PHIP: variants seen among roughly 807,000 people sequenced by gnomAD.
The protein encoded by PHIP is PHIP subunit of CUL4-Ring ligase complex, also known as PH-interacting protein.
PHIP carries 54 observed loss-of-function variants against 236.8 expected under a neutral mutation model. The ratio of observed to expected loss-of-function variants is 0.23; its 90% CI spans 0.18 to 0.29. The LOEUF (loss-of-function observed/expected upper bound fraction) is 0.29. Among genes scored for constraint, PHIP ranks in the 10% least tolerant of loss-of-function variants. The pLI is 1.00. For missense variants in PHIP, 1,370 were observed against 2,190.8 expected (o/e 0.63, Z 7.48); for synonymous variants, 756 against 718.9 (o/e 1.05, Z -0.83).
chr6:78,952,429 A>AAAAAAAAAAAAG (rs1261526545), intron 35 of PHIP, among the ~76,000 whole-genome samples: 2 of 132,788 alleles, frequency 1.5e-5, no homozygotes, highest in Non-Finnish European at 3.3e-5. Flanking sequence ...AAAAAAAAAG[A>AAAAAAAAAAAAG]AAAAAAAAAA....
intron 7 of PHIP, among the ~76,000 whole-genome samples, chr6:79,036,574 CAT>C (rs1470966144): frequency 1.3e-5 from 2 of 152,128 alleles, no homozygotes; most frequent in Non-Finnish European, 2.9e-5. Flanking sequence ...CCTCTCTCTC[CAT>C]ATAACATACA....
chr6:79,019,184 A>C, intron 9 of PHIP, 25 bp from the exon 10 acceptor site: 1 of 1,540,824 alleles, frequency 6.5e-7, no homozygotes, highest in Non-Finnish European at 9.0e-7. Context: ...ATAAAGAATT[A>C]AAAATATCCT....
At chr6:78,954,102 T>C (rs918262154) in intron 35 of PHIP, among the ~76,000 whole-genome samples, 1 of 152,136 alleles carries the variant, frequency 6.6e-6, no homozygotes, top group Admixed American at 6.5e-5. Context: ...TTTAAAACTA[T>C]TTTTTGTTTG....
chr6:79,015,594 C>T (rs769541723), intron 14 of PHIP, 36 bp downstream of exon 14: 12 of 1,446,316 alleles, frequency 8.3e-6, no homozygotes, highest in Non-Finnish European at 9.5e-6. Flanking sequence ...TAGTCAGCTT[C>T]AGTTATATCA....
At chr6:79,025,488 A>G in intron 9 of PHIP, 31 bp downstream of exon 9, 2 of 1,306,534 alleles carry the variant, frequency 1.5e-6, no homozygotes, top group Middle Eastern at 1.8e-4. Flanking sequence ...AACTAAACAC[A>G]TTTAATCTAT....
intron 6 of PHIP, 83 bp from the exon 7 acceptor site, chr6:79,043,086 A>C: frequency 1.8e-6 from 2 of 1,081,208 alleles, no homozygotes. Flanking sequence ...CACATACTCC[A>C]ATTTGTCATG....
intron 17 of PHIP, among the ~76,000 whole-genome samples, chr6:78,999,198 T>C (rs1439213120): frequency 6.6e-6 from 1 of 152,178 alleles, no homozygotes; most frequent in Non-Finnish European, 1.5e-5. Context: ...CAGCATTAAT[T>C]CTTACTTGTC....
chr6:78,983,025 G>C lies in PHIP; in HGVS notation c.2630C>G (p.Ala877Gly). 1 of 1,611,130 alleles carries C rather than the reference G, an allele frequency of 6.2e-7. No homozygotes were observed. Among genetic ancestry groups the C allele is most frequent in the Non-Finnish European group, 8.5e-7 (1 of 1,178,588 alleles). ...TTCTTCTTCATCTGAACTGCTTTCT[G>C]CTTTCTTGGTTTTATTCTTAGGAAC... ...KKVPKNKTKKAESSSDEEEES... is the reference protein window; with the variant it reads ...KKVPKNKTKKGESSSDEEEES... The change falls in exon 23 of 40, where the codon GCA becomes GGA. Residue 877 changes from alanine to glycine, a missense_variant. Ala to Gly is a moderately conservative substitution (Grantham distance 60). Coordinates refer to ENST00000275034, the MANE Select transcript of PHIP (RefSeq NM_017934.7).
In PHIP at chr6:78,941,318, T is replaced by A. The variant is rs776794849; in HGVS notation, c.4841A>T (p.Asn1614Ile). 6.2e-7 allele frequency: 1 copy of A among 1,612,804 alleles called. No homozygotes were observed. Among genetic ancestry groups the A allele is most frequent in the Admixed American group, 1.7e-5 (1 of 59,836 alleles). ...AATGGTTCCTGGTACAAGAGCGTTGTTCTTACAATCTCCTAAAAGGGAACA... is the reference window on the plus strand; with the variant it reads ...AATGGTTCCTGGTACAAGAGCGTTGATCTTACAATCTCCTAAAAGGGAACA... ...SAVIEQGDCKNNALVPGTIQV... is the reference protein window; with the variant it reads ...SAVIEQGDCKINALVPGTIQV... Residue 1614 changes from asparagine to isoleucine, a missense_variant, in exon 40 of 40, where the codon AAC (asparagine) becomes ATC (isoleucine). Asn to Ile is a moderately radical substitution (Grantham distance 149). Coordinates refer to ENST00000275034, the MANE Select transcript of PHIP (RefSeq NM_017934.7).
chr6:79,058,441 GT>G (rs1562215710), intron 6 of PHIP, among the ~76,000 whole-genome samples: 1 of 151,922 alleles, frequency 6.6e-6, no homozygotes, highest in East Asian at 1.9e-4. Context: ...TAAATATTTG[GT>G]TCCCTTTTAC....
chr6:78,989,898 A>C (rs1034721174), intron 20 of PHIP, among the ~76,000 whole-genome samples: 1 of 152,214 alleles, frequency 6.6e-6, no homozygotes, highest in Non-Finnish European at 1.5e-5. Flanking sequence ...AGATTATTTC[A>C]GAAAGAAATT....
chr6:78,954,712 G>T (rs1766297472), intron 35 of PHIP, 102 bp downstream of exon 35: 1 of 731,030 alleles, frequency 1.4e-6, no homozygotes, highest in Non-Finnish European at 2.2e-6. Context: ...AAATAATAAA[G>T]AAATAAACTA....
chr6:78,945,359 T>C lies in PHIP; in HGVS notation c.4769A>G (p.Lys1590Arg), dbSNP rs1773749162. 1 of 1,613,842 alleles carries C rather than the reference T, an allele frequency of 6.2e-7. No individual in the cohort carries two copies. Among genetic ancestry groups the C allele is most frequent in the Non-Finnish European group, 8.5e-7 (1 of 1,179,750 alleles). The change falls in exon 39 of 40, where the codon AAG becomes AGG. Residue 1590 changes from lysine to arginine, a missense_variant. By Grantham distance (26) the Lys-to-Arg change is conservative. Coordinates refer to ENST00000275034, the MANE Select transcript of PHIP (RefSeq NM_017934.7). Reference sequence around the variant, plus strand: ...GGACGCCTTTGGGAGTACAGATGACTTCATTTTACGTTTGACTGGCTTTTC... The same window carrying C: ...GGACGCCTTTGGGAGTACAGATGACCTCATTTTACGTTTGACTGGCTTTTC... ...EKEKPVKRKM[K>R]SSVLPKASTL...
At position 78,992,631 on chromosome 6, in the gene PHIP, T is replaced by C. The variant is rs145336502; in HGVS notation, c.2202-1646A>G. ...TTTTTCACTACCATTATATCTATTA[T>C]GGAGATCTGTTGTCAGTAATTTTTT... On this transcript the variant is annotated intron_variant, in intron 19 of 39. Transcript: ENST00000275034. 6.4e-4 allele frequency among the ~76,000 whole-genome samples: 97 copies of C among 152,316 alleles called. 1 individual carries two copies. In the South Asian group the frequency reaches 8.1e-3, roughly 13 times the overall value.
At chr6:79,021,079 T>C (rs949810641) in intron 9 of PHIP, among the ~76,000 whole-genome samples, 1 of 152,234 alleles carries the variant, frequency 6.6e-6, no homozygotes, top group Non-Finnish European at 1.5e-5. Flanking sequence ...ATGTTACTTA[T>C]TTTTAGACAC....
chr6:78,978,763 C>T, intron 23 of PHIP, 52 bp from the exon 24 acceptor site: 1 of 1,412,234 alleles, frequency 7.1e-7, no homozygotes. Flanking sequence ...AAGCATTAAT[C>T]CACAAATCTA....
chr6:79,007,321 A>T (rs1163869513), intron 15 of PHIP, among the ~76,000 whole-genome samples: 1 of 152,168 alleles, frequency 6.6e-6, no homozygotes, highest in Non-Finnish European at 1.5e-5. Flanking sequence ...CTCCATCAGT[A>T]ATAGGTAAAT....
intron 39 of PHIP, among the ~76,000 whole-genome samples, chr6:78,942,946 A>T (rs149521183): frequency 1.1e-4 from 17 of 152,348 alleles, no homozygotes; most frequent in African/African-American, 2.2e-4. Context: ...GAAGTTTTTT[A>T]AAAAAGTTTA....
chr6:79,043,108 A>G, intron 6 of PHIP, 105 bp from the exon 7 acceptor site: 1 of 869,664 alleles, frequency 1.1e-6, no homozygotes, highest in Non-Finnish European at 1.8e-6. Context: ...GCAGGTAAAA[A>G]TAAAGAAGCT....
Sources: allele counts gnomAD v4.1 joint callset (sites outside exome capture counted in the v4.1 genomes callset), GRCh38; gene constraint gnomAD v4.1.1; transcripts MANE v1.5; gene names NCBI Gene and HGNC (gene_info 2026-07-23, HGNC 2026-07-21).